Variants in EPHA6 observed in about 807,000 individuals in gnomAD.
EPHA6 encodes ephrin type-A receptor 6.
A neutral mutation model predicts 112.0 loss-of-function variants in EPHA6; 50 were observed. The observed-to-expected ratio is 0.45, with a 90% CI of 0.36 to 0.56. The LOEUF (loss-of-function observed/expected upper bound fraction) is 0.56. EPHA6 is among the 20% of genes least tolerant of loss of function. The pLI is 0.00. For synonymous variants in EPHA6, 529 were observed against 490.7 expected (o/e 1.08, Z -1.03); for missense variants, 1,280 against 1,417.4 (o/e 0.90, Z 1.56).
intron 3 of EPHA6, among the ~76,000 whole-genome samples, chr3:97,150,446 G>A (rs141051451): frequency 2.0e-5 from 3 of 152,176 alleles, no homozygotes; most frequent in Non-Finnish European, 4.4e-5. Flanking sequence ...CTGCAGCAAC[G>A]TTTAGGCTAC....
rs934192391 is a variant in EPHA6, at chr3:97,760,993, C to G, written c.*12292C>G. On this transcript the variant is annotated 3_prime_UTR_variant, in exon 18 of 18. Transcript: ENST00000389672. The stretch of plus-strand genomic sequence containing the variant: ...GTTTTTCTCTTTAGTATTCTGTCAC[C>G]ATTTAAAGCTTCAATATATGCCTTC... 8 of 205,864 alleles carry G rather than the reference C, an allele frequency of 3.9e-5. No homozygotes were observed. Among genetic ancestry groups the G allele is most frequent in the Middle Eastern group, 1.5e-3 (1 of 662 alleles). The allele number at this position is 205,864 out of a possible 1,614,324, so 12.8% of individuals were successfully genotyped here. A position where few individuals can be genotyped will look rare whatever the true frequency, so the allele number is the denominator to read the frequency against.
chr3:97,648,617 G>C (rs982728932), intron 14 of EPHA6: 1 of 1,129,356 alleles, frequency 8.9e-7, no homozygotes, highest in African/African-American at 1.6e-5. Flanking sequence ...GAGTAAATGG[G>C]ATTCGTCTGG....
chr3:97,286,790 AT>A (rs2080480500), intron 5 of EPHA6, among the ~76,000 whole-genome samples: 2 of 150,212 alleles, frequency 1.3e-5, no homozygotes, highest in South Asian at 4.2e-4. Context: ...TCACATTGGT[AT>A]TTTATAGCAA....
intron 3 of EPHA6, among the ~76,000 whole-genome samples, chr3:97,146,870 G>T (rs1031281221): frequency 3.3e-5 from 5 of 151,756 alleles, no homozygotes; most frequent in African/African-American, 9.7e-5. Flanking sequence ...TGTTTAAAAA[G>T]AAATGAAAAG....
intron 12 of EPHA6, among the ~76,000 whole-genome samples, chr3:97,605,661 T>C (rs1187919021): frequency 2.6e-5 from 4 of 151,770 alleles, no homozygotes; most frequent in African/African-American, 9.7e-5. Flanking sequence ...CTTTATAGTA[T>C]AGTTTGAAGT....
chr3:96,861,150 A>T (rs2035982871), intron 1 of EPHA6, among the ~76,000 whole-genome samples: 1 of 152,080 alleles, frequency 6.6e-6, no homozygotes, highest in Non-Finnish European at 1.5e-5. Flanking sequence ...GTCAGTCAGG[A>T]TAAGGATCTG....
At chr3:97,517,411 A>G (rs1227781080) in intron 10 of EPHA6, among the ~76,000 whole-genome samples, 1 of 152,090 alleles carries the variant, frequency 6.6e-6, no homozygotes, top group East Asian at 1.9e-4. Flanking sequence ...TGCTATCAGA[A>G]AGTAAAGGCA....
intron 2 of EPHA6, among the ~76,000 whole-genome samples, chr3:96,886,893 G>T (rs1357486668): frequency 6.6e-6 from 1 of 152,064 alleles, no homozygotes; most frequent in Non-Finnish European, 1.5e-5. Context: ...ACTTTCCAGA[G>T]CATTTTGCAT....
intron 6 of EPHA6, among the ~76,000 whole-genome samples, chr3:97,407,763 C>T (rs1247691991): frequency 6.6e-6 from 1 of 151,766 alleles, no homozygotes; most frequent in Non-Finnish European, 1.5e-5. Context: ...TACTGCTTTT[C>T]TCCAATAGGC....
At chr3:97,140,445 A>G (rs2093842853) in intron 3 of EPHA6, among the ~76,000 whole-genome samples, 1 of 152,154 alleles carries the variant, frequency 6.6e-6, no homozygotes, top group African/African-American at 2.4e-5. Context: ...GAAGCATCAA[A>G]TCACCTATAA....
intron 10 of EPHA6, among the ~76,000 whole-genome samples, chr3:97,527,627 C>T (rs965640300): frequency 6.6e-6 from 1 of 152,108 alleles, no homozygotes; most frequent in Non-Finnish European, 1.5e-5. Context: ...CATACACTTA[C>T]AGCCCAGAGG....
chr3:97,639,313 T>A (rs1357793883), intron 14 of EPHA6, among the ~76,000 whole-genome samples: 1 of 152,020 alleles, frequency 6.6e-6, no homozygotes, highest in Non-Finnish European at 1.5e-5. Flanking sequence ...ATTTTTAAAT[T>A]GGAAAATATC....
At chr3:97,384,701 T>C (rs2085955219) in intron 5 of EPHA6, among the ~76,000 whole-genome samples, 1 of 152,188 alleles carries the variant, frequency 6.6e-6, no homozygotes, top group Non-Finnish European at 1.5e-5. Flanking sequence ...ATGAATATGG[T>C]AATTTTTTTA....
chr3:97,421,905 A>G (rs1321978337), intron 6 of EPHA6, among the ~76,000 whole-genome samples: 2 of 151,906 alleles, frequency 1.3e-5, no homozygotes, highest in Non-Finnish European at 2.9e-5. Flanking sequence ...TGGGTAATGT[A>G]TATTGGTAGA....
intron 2 of EPHA6, among the ~76,000 whole-genome samples, chr3:96,878,282 A>C (rs528553473): frequency 4.6e-5 from 7 of 151,920 alleles, no homozygotes; most frequent in East Asian, 3.9e-4. Flanking sequence ...ATTAGAAGAC[A>C]TGAATGGAGG....
chr3:97,427,172 C>A (rs907222334), intron 6 of EPHA6, among the ~76,000 whole-genome samples: 5 of 152,104 alleles, frequency 3.3e-5, no homozygotes, highest in African/African-American at 1.2e-4. Context: ...CCATTTGACC[C>A]AACAATCCCA....
intron 3 of EPHA6, among the ~76,000 whole-genome samples, chr3:97,105,491 T>A (rs2047538011): frequency 6.6e-6 from 1 of 152,192 alleles, no homozygotes; most frequent in African/African-American, 2.4e-5. Context: ...TGATTTCTGT[T>A]TCTATTGGAC....
intron 3 of EPHA6, among the ~76,000 whole-genome samples, chr3:97,033,090 A>G (rs2044937708): frequency 6.6e-6 from 1 of 151,946 alleles, no homozygotes; most frequent in Non-Finnish European, 1.5e-5. Flanking sequence ...GTATACCAGT[A>G]CCACAACCGA....
intron 5 of EPHA6, among the ~76,000 whole-genome samples, chr3:97,357,969 T>C (rs2084170225): frequency 6.6e-6 from 1 of 152,088 alleles, no homozygotes; most frequent in Non-Finnish European, 1.5e-5. Context: ...GTCTTAGGCA[T>C]GGCAGATGCA....
Sources: allele counts gnomAD v4.1 joint callset (sites outside exome capture counted in the v4.1 genomes callset), GRCh38; gene constraint gnomAD v4.1.1; transcripts MANE v1.5; gene names NCBI Gene and HGNC (gene_info 2026-07-23, HGNC 2026-07-21).